The following UBE4B variants were observed in gnomAD, a reference collection of about 807,000 sequenced individuals.
The protein encoded by UBE4B is ubiquitination factor E4B, also known as ubiquitin conjugation factor E4 B.
Under a neutral mutation model 148.1 loss-of-function variants are expected in UBE4B, and 27 were observed. The observed-to-expected ratio is 0.18, with a 90% CI of 0.13 to 0.25. UBE4B has a LOEUF of 0.25. UBE4B is among the 10% of genes least tolerant of loss of function. UBE4B has a pLI of 1.00. For synonymous variants in UBE4B, 596 were observed against 619.3 expected (o/e 0.96, Z 0.56); for missense variants, 1,170 against 1,662.4 (o/e 0.70, Z 5.15).
chr1:10,052,324 A>C (rs1644065647), intron 1 of UBE4B, among the ~76,000 whole-genome samples: 1 of 151,940 alleles, frequency 6.6e-6, no homozygotes, highest in South Asian at 2.1e-4. Flanking sequence ...CTCCGGCCTT[A>C]GCCTCCCAAA....
chr1:10,116,276 G>C (rs1332114223), intron 7 of UBE4B, among the ~76,000 whole-genome samples: 1 of 152,134 alleles, frequency 6.6e-6, no homozygotes, highest in Non-Finnish European at 1.5e-5. Flanking sequence ...CTGAGTGGCT[G>C]GGATTACAGA....
Position 10,180,486 on chromosome 1 carries a change from A to G in UBE4B, c.*530A>G, listed in dbSNP as rs1646490277. On this transcript the variant is annotated 3_prime_UTR_variant, in exon 28 of 28. Transcript: ENST00000343090. ...CTCCAAACATATATTCTGTGAGATAACTGTGCCTGCTACCAAGTGTTAATC... is the reference window on the plus strand; with the variant it reads ...CTCCAAACATATATTCTGTGAGATAGCTGTGCCTGCTACCAAGTGTTAATC... 1 of 152,956 alleles carries G rather than the reference A, an allele frequency of 6.5e-6. No homozygotes were observed. Among genetic ancestry groups the G allele is most frequent in the Admixed American group, 6.5e-5 (1 of 15,278 alleles). The allele number at this position is 152,956 out of a possible 1,614,324, so 9.5% of individuals were successfully genotyped here. A position where few individuals can be genotyped will look rare whatever the true frequency, so the allele number is the denominator to read the frequency against.
chr1:10,151,579 A>G lies in UBE4B; in HGVS notation c.2926+18A>G. ...TTATACAGGTAGGTTGCTGGAACACAGTGTAGCACATGGCAGGCCAACTTA... is the reference window on the plus strand; with the variant it reads ...TTATACAGGTAGGTTGCTGGAACACGGTGTAGCACATGGCAGGCCAACTTA... On this transcript the variant is annotated intron_variant, in intron 21 of 27. Transcript: ENST00000343090. The G allele has an allele frequency of 6.2e-7, 1 of 1,605,624 alleles. No homozygotes were observed. The highest frequency in any genetic ancestry group is 8.5e-7 in the Non-Finnish European group (1 of 1,173,938).
At chr1:10,136,712 G>C (rs1645691610) in intron 16 of UBE4B, among the ~76,000 whole-genome samples, 1 of 152,106 alleles carries the variant, frequency 6.6e-6, no homozygotes, top group South Asian at 2.1e-4. Flanking sequence ...CTGAGGTCAG[G>C]AGTTCGAGAC....
rs1646487314 is a variant in UBE4B at position 10,180,259 on chromosome 1, G to C, written c.*303G>C. The C allele has an allele frequency of 2.4e-6, 1 of 421,354 alleles. No individual in the cohort carries two copies. Among genetic ancestry groups the C allele is most frequent in the Non-Finnish European group, 4.3e-6 (1 of 233,954 alleles). 26.1% of individuals were successfully genotyped at this position (421,354 alleles called of 1,614,324 possible). A position where few individuals can be genotyped will look rare whatever the true frequency, so the allele number is the denominator to read the frequency against. ...AGTTTGGGGCAACGGAAGTCTTTTA[G>C]TGATGGCTAATGGGTCTGGGCAGCA... On this transcript the variant is annotated 3_prime_UTR_variant, in exon 28 of 28. Coordinates refer to ENST00000343090, the MANE Select transcript of UBE4B (RefSeq NM_001105562.3).
chr1:10,162,957 G>A (rs1248002982), intron 23 of UBE4B, among the ~76,000 whole-genome samples: 2 of 152,110 alleles, frequency 1.3e-5, no homozygotes, highest in African/African-American at 4.8e-5. Flanking sequence ...AATCAGCATA[G>A]CTGAAAATTC....
intron 7 of UBE4B, chr1:10,107,374 G>A (rs1035390322): frequency 5.4e-5 from 70 of 1,287,496 alleles, no homozygotes; most frequent in Non-Finnish European, 6.7e-5. Flanking sequence ...TTTGGGTCCA[G>A]GTATCAGAGG....
chr1:10,033,981 A>T (rs1643404611), intron 1 of UBE4B, among the ~76,000 whole-genome samples: 1 of 152,166 alleles, frequency 6.6e-6, no homozygotes, highest in Non-Finnish European at 1.5e-5. Flanking sequence ...TCTTCAGGGT[A>T]TGCGAACAAG....
intron 2 of UBE4B, among the ~76,000 whole-genome samples, chr1:10,088,741 G>C (rs189798500): frequency 6.7e-6 from 1 of 150,274 alleles, no homozygotes; most frequent in East Asian, 2.0e-4. Flanking sequence ...GGACAGTGAC[G>C]CAATCATGGC....
intron 7 of UBE4B, among the ~76,000 whole-genome samples, chr1:10,108,462 A>G (rs940407150): frequency 5.9e-5 from 9 of 152,154 alleles, no homozygotes; most frequent in African/African-American, 2.2e-4. Context: ...TGGGTTGTGT[A>G]GGTGACTTTG....
intron 15 of UBE4B, 45 bp downstream of exon 15, chr1:10,132,527 C>T: frequency 6.4e-7 from 1 of 1,553,706 alleles, no homozygotes; most frequent in Non-Finnish European, 8.9e-7. Flanking sequence ...CAAATTCATT[C>T]ATCTGACCCA....
At chr1:10,135,677 A>G (rs530021031) in intron 16 of UBE4B, among the ~76,000 whole-genome samples, 2 of 145,172 alleles carry the variant, frequency 1.4e-5, no homozygotes, top group Admixed American at 1.5e-4. Flanking sequence ...CTGAGCTTGC[A>G]GTGAGCCATG....
At chr1:10,058,180 C>A (rs373079835) in intron 1 of UBE4B, among the ~76,000 whole-genome samples, 1 of 152,130 alleles carries the variant, frequency 6.6e-6, no homozygotes, top group Non-Finnish European at 1.5e-5. Flanking sequence ...GGGAGTAAGT[C>A]CTGGACATAG....
At chr1:10,098,400 TCA>T (rs2101880169) in intron 3 of UBE4B, among the ~76,000 whole-genome samples, 1 of 152,318 alleles carries the variant, frequency 6.6e-6, no homozygotes, top group African/African-American at 2.4e-5. Flanking sequence ...ATCTTTAAAC[TCA>T]CAGTGTGGCA....
At chr1:10,146,245 A>C (rs1418233053) in intron 18 of UBE4B, among the ~76,000 whole-genome samples, 4 of 152,180 alleles carry the variant, frequency 2.6e-5, no homozygotes, top group Non-Finnish European at 5.9e-5. Context: ...TGAGGTCAGG[A>C]GTTCGAGACC....
chr1:10,137,228 C>G (rs771956996), intron 17 of UBE4B, 23 bp downstream of exon 17: 10 of 1,612,574 alleles, frequency 6.2e-6, no homozygotes, highest in Non-Finnish European at 8.5e-6. Flanking sequence ...ATACCGTGTC[C>G]TGGGATTGCC....
chr1:10,150,402 C>T (rs1346674035), intron 20 of UBE4B, among the ~76,000 whole-genome samples: 1 of 152,064 alleles, frequency 6.6e-6, no homozygotes, highest in Non-Finnish European at 1.5e-5. Flanking sequence ...CATTTATTCT[C>T]ATTTTCAGCA....
chr1:10,038,953 A>T (rs887035643), intron 1 of UBE4B, among the ~76,000 whole-genome samples: 4 of 152,042 alleles, frequency 2.6e-5, no homozygotes, highest in African/African-American at 9.7e-5. Flanking sequence ...CCAGCTACTC[A>T]GGAGGCTGAA....
At chr1:10,176,190 T>C (rs1646427181) in intron 25 of UBE4B, among the ~76,000 whole-genome samples, 2 of 152,250 alleles carry the variant, frequency 1.3e-5, no homozygotes, top group Non-Finnish European at 2.9e-5. Flanking sequence ...TCATTCCTTT[T>C]TAAGGCTGAA....
Sources: gnomAD v4.1 joint callset for allele counts (sites outside exome capture counted in the v4.1 genomes callset) on GRCh38, gnomAD v4.1.1 for gene constraint, MANE v1.5 for transcripts, NCBI Gene and HGNC (gene_info 2026-07-23, HGNC 2026-07-21) for gene names.